NUTM2E: variants seen among roughly 807,000 people sequenced by gnomAD.
NUTM2E encodes the protein NUT family member 2E, also known as family with sequence similarity 22, member E.
In NUTM2E, 3 loss-of-function variants were observed where a neutral mutation model predicts 26.1. The observed-to-expected ratio is 0.12, with a 90% CI of 0.05 to 0.30. NUTM2E has a LOEUF of 0.30. Ranked by LOEUF, NUTM2E falls within the 10% of genes least tolerant of loss-of-function variation. The pLI is 1.00. For synonymous variants in NUTM2E, 13 were observed against 157.5 expected, an observed-to-expected ratio of 0.08 and a Z score of 6.87; for missense variants, 62 against 381.3, an observed-to-expected ratio of 0.16 and a Z score of 6.97.
At position 79,840,588 on chromosome 10, in the gene NUTM2E, C is replaced by A. The variant is rs1231978279; in HGVS notation, c.-1153C>A. ...ACACAACTGGGGCAGTGGGGGAGAA[C>A]CCTGGGCTTGAGACTTGCAATCCAC... On this transcript the variant is annotated 5_prime_UTR_variant, in exon 4 of 10. Transcript: ENST00000429984. 6.8e-6 allele frequency among the ~76,000 whole-genome samples: 1 copy of A among 146,544 alleles called. No homozygotes were observed. The highest frequency in any genetic ancestry group is 2.0e-4 in the East Asian group (1 of 4,984).
chr10:79,831,662 A>G lies in NUTM2E; in HGVS notation c.-2728+4305A>G, dbSNP rs529966135. 3.4e-4 allele frequency among the ~76,000 whole-genome samples: 52 copies of G among 151,990 alleles called. 2 individuals are homozygous for G. The highest frequency in any genetic ancestry group is 3.4e-3 in the Middle Eastern group (1 of 292). ...ACCCATTATACATCGGGCTTTTTAG[A>G]TTCATTCTACCATTTAATTTTTATG... On this transcript the variant is annotated intron_variant, in intron 1 of 9. Coordinates refer to ENST00000429984, the MANE Select transcript of NUTM2E (RefSeq NM_001355263.2).
In NUTM2E at chr10:79,839,695, C is replaced by G. The variant is rs1200186261; in HGVS notation, c.-2046C>G. On this transcript the variant is annotated 5_prime_UTR_variant, in exon 4 of 10. Transcript: ENST00000429984. ...TCACATTGATGCAGGCCCAGGGCCT[C>G]AAGTGCAGAGTCTGAGAGCTCTGCA... Among the ~76,000 whole-genome samples, 1 of 151,870 alleles carries G rather than the reference C, an allele frequency of 6.6e-6. No homozygotes were observed. Among genetic ancestry groups the G allele is most frequent in the Admixed American group, 6.6e-5 (1 of 15,228 alleles).
intron 1 of NUTM2E, among the ~76,000 whole-genome samples, chr10:79,835,271 C>T (rs908047769): frequency 2.0e-5 from 3 of 150,612 alleles, no homozygotes; most frequent in East Asian, 2.0e-4. Flanking sequence ...TTAAATAATC[C>T]GGACTCTAGT....
At chr10:79,837,829 A>G (rs1251044645) in intron 1 of NUTM2E, among the ~76,000 whole-genome samples, 1 of 151,966 alleles carries the variant, frequency 6.6e-6, no homozygotes, top group Non-Finnish European at 1.5e-5. Context: ...AGCAATTGCA[A>G]TTGAGTAAAA....
At chr10:79,828,251 ATATT>A (rs1340707999) in intron 1 of NUTM2E, among the ~76,000 whole-genome samples, 2 of 151,882 alleles carry the variant, frequency 1.3e-5, no homozygotes, top group Non-Finnish European at 2.9e-5. Flanking sequence ...ATGTGTGTGA[ATATT>A]TAAGAATTCT....
intron 1 of NUTM2E, among the ~76,000 whole-genome samples, chr10:79,835,266 T>C (rs540678899): frequency 6.6e-6 from 1 of 150,796 alleles, no homozygotes; most frequent in African/African-American, 2.4e-5. Context: ...GTTGCTTAAA[T>C]AATCCGGACT....
chr10:79,845,347 G>A (rs1842017448), intron 5 of NUTM2E, among the ~76,000 whole-genome samples: 1 of 113,774 alleles, frequency 8.8e-6, no homozygotes, highest in Admixed American at 8.3e-5. Flanking sequence ...CGGTGGTGGA[G>A]CCTGCACAGG....
chr10:79,836,524 G>C (rs956771695), intron 1 of NUTM2E, among the ~76,000 whole-genome samples: 1 of 151,818 alleles, frequency 6.6e-6, no homozygotes, highest in African/African-American at 2.4e-5. Context: ...GTTATATGTT[G>C]TGTGCACTTG....
Position 79,838,516 on chromosome 10 carries a change from AAAGGCACGGCCGAGACAC to A in NUTM2E, c.-2518_-2501del, listed in dbSNP as rs1841977856. Among the ~76,000 whole-genome samples, 1 of 148,758 alleles carries A rather than the reference AAAGGCACGGCCGAGACAC, an allele frequency of 6.7e-6. No individual in the cohort carries two copies. The highest frequency in any genetic ancestry group is 6.7e-5 in the Admixed American group (1 of 14,910). ...AAGCTTTTGCATTGTTTGGAATGTG[AAAGGCACGGCCGAGACAC>A]ACTTTGAGGTTCCCACTGCATTGTT... On this transcript the variant is annotated 5_prime_UTR_variant, in exon 2 of 10. Transcript: ENST00000429984.
rs1253319905 is a variant in NUTM2E, at chr10:79,850,061, G to C, written c.2092G>C (p.Val698Leu). 1 of 1,131,820 alleles carries C rather than the reference G, an allele frequency of 8.8e-7. No homozygotes were observed. Among genetic ancestry groups the C allele is most frequent in the Non-Finnish European group, 1.3e-6 (1 of 781,860 alleles). The allele number at this position is 1,131,820 out of a possible 1,614,324, so 70.1% of individuals were successfully genotyped here. Residue 698 changes from valine to leucine, a missense_variant, in exon 10 of 10, where the codon GTT (valine) becomes CTT (leucine). Physicochemically the swap from Val to Leu is conservative, Grantham distance 32. Coordinates refer to ENST00000429984, the MANE Select transcript of NUTM2E (RefSeq NM_001355263.2). ...HTGMARSEDSVVLLGCQDSPG... is the reference protein window; with the variant it reads ...HTGMARSEDSLVLLGCQDSPG... ...TGGCATGGCCAGGTCCGAAGACTCT[G>C]TTGTGCTTTTGGGATGTCAGGATTC...
chr10:79,837,799 C>A (rs961939511), intron 1 of NUTM2E, among the ~76,000 whole-genome samples: 1 of 151,936 alleles, frequency 6.6e-6, no homozygotes, highest in African/African-American at 2.4e-5. Flanking sequence ...TGTAGAGGGC[C>A]TGCTGTGTGC....
intron 1 of NUTM2E, among the ~76,000 whole-genome samples, chr10:79,833,738 CA>C (rs1321444598): frequency 6.6e-6 from 1 of 151,812 alleles, no homozygotes; most frequent in African/African-American, 2.4e-5. Context: ...TGTGAAGAAA[CA>C]GGAACAGTTT....
At chr10:79,837,974 T>C (rs1367946776) in intron 1 of NUTM2E, among the ~76,000 whole-genome samples, 1 of 151,468 alleles carries the variant, frequency 6.6e-6, no homozygotes, top group Admixed American at 6.6e-5. Context: ...AAGCCTCAGC[T>C]GCAGCCTCAG....
rs1421178481 is a variant in NUTM2E, at chr10:79,827,118, C to T, written c.-2967C>T. 1 of 152,676 alleles carries T rather than the reference C, an allele frequency of 6.5e-6. No individual in the cohort carries two copies. The highest frequency in any genetic ancestry group is 1.5e-5 in the Non-Finnish European group (1 of 67,910). The allele number at this position is 152,676 out of a possible 1,614,324, so 9.5% of individuals were successfully genotyped here. On this transcript the variant is annotated 5_prime_UTR_variant, in exon 1 of 10. Transcript: ENST00000429984. ...TGCGCGGGGTTCGGTGCGAGCCCCT[C>T]GCCCCTGGCCGGGCCAGCCTCTTGA...
intron 1 of NUTM2E, among the ~76,000 whole-genome samples, chr10:79,837,991 A>G (rs1055652418): frequency 6.6e-6 from 1 of 151,236 alleles, no homozygotes; most frequent in Non-Finnish European, 1.5e-5. Context: ...TCAGAAACAA[A>G]CATTTTTCTC....
chr10:79,830,949 C>T (rs1341098907), intron 1 of NUTM2E, among the ~76,000 whole-genome samples: 1 of 151,636 alleles, frequency 6.6e-6, no homozygotes, highest in Non-Finnish European at 1.5e-5. Context: ...GTCAGCTTGC[C>T]TTCTTTATTT....
chr10:79,829,978 T>G (rs1841916341), intron 1 of NUTM2E, among the ~76,000 whole-genome samples: 2 of 151,480 alleles, frequency 1.3e-5, no homozygotes, highest in Non-Finnish European at 2.9e-5. Flanking sequence ...GGAACTGTGG[T>G]TTCAGAATGA....
At chr10:79,832,326 GTATGTT>G (rs1268334835) in intron 1 of NUTM2E, among the ~76,000 whole-genome samples, 3 of 151,824 alleles carry the variant, frequency 2.0e-5, no homozygotes, top group Non-Finnish European at 4.4e-5. Flanking sequence ...ATGTGTGTGT[GTATGTT>G]TATCGTGGGG....
rs531753437 is a variant in NUTM2E at position 79,840,713 on chromosome 10, G to C, written c.-1028G>C. Among the ~76,000 whole-genome samples, 1 of 150,954 alleles carries C rather than the reference G, an allele frequency of 6.6e-6. No homozygotes were observed. The highest frequency in any genetic ancestry group is 2.4e-5 in the African/African-American group (1 of 40,896). ...GTGTCTTCGAAAGGGCAAATGCTTC[G>C]TAAGTGCCGACAGGGTGTGTTTCAG... On this transcript the variant is annotated 5_prime_UTR_variant, in exon 4 of 10. Transcript: ENST00000429984.
Sources: allele counts gnomAD v4.1 joint callset (sites outside exome capture counted in the v4.1 genomes callset), GRCh38; gene constraint gnomAD v4.1.1; transcripts MANE v1.5; gene names NCBI Gene and HGNC (gene_info 2026-07-23, HGNC 2026-07-21).